The following AHCY variants were observed in gnomAD, a reference collection of about 807,000 sequenced individuals.
AHCY encodes the protein adenosylhomocysteinase.
In AHCY, 24 loss-of-function variants were observed where a neutral mutation model predicts 45.4. The ratio of observed to expected loss-of-function variants is 0.53; its 90% confidence interval spans 0.38 to 0.74. The LOEUF (loss-of-function observed/expected upper bound fraction) is 0.74. Ranked by LOEUF, AHCY falls within the 30% of genes least tolerant of loss-of-function variation. The probability of loss-of-function intolerance (pLI) is 0.00; values close to 1 mark genes in which losing one functional copy is unlikely to be tolerated. For missense variants in AHCY, 449 were observed against 594.1 expected, an observed-to-expected ratio of 0.76 and a Z score of 2.54; for synonymous variants, 245 against 235.1, an observed-to-expected ratio of 1.04 and a Z score of -0.39.
At chr20:34,301,303 G>A (rs1407276580) in intron 1 of AHCY, among the ~76,000 whole-genome samples, 1 of 151,946 alleles carries the variant, frequency 6.6e-6, no homozygotes, top group Non-Finnish European at 1.5e-5. Context: ...ACCACCACAT[G>A]TCCCTCCAGC....
the AHCY span, among the ~76,000 whole-genome samples, chr20:34,240,065 G>C: frequency 1.3e-5 from 2 of 152,208 alleles, no homozygotes. Flanking sequence ...GGAACAGAAA[G>C]AAGGTTGGGA....
At chr20:34,242,049 G>T in the AHCY span, among the ~76,000 whole-genome samples, 6 of 152,082 alleles carry the variant, frequency 3.9e-5, no homozygotes, top group African/African-American at 1.4e-4. Context: ...ATTAAAGGAA[G>T]CTCAGGTTAA....
At chr20:34,260,647 G>T in the AHCY span, 1 of 1,230,152 alleles carries the variant, frequency 8.1e-7, no homozygotes, top group Non-Finnish European at 1.1e-6. Context: ...CTTCTTGCTC[G>T]TTCCAGGAAA....
chr20:34,285,383 T>C, intron 9 of AHCY, 57 bp downstream of exon 9: 2 of 1,598,602 alleles, frequency 1.3e-6, no homozygotes, highest in Non-Finnish European at 1.7e-6. Context: ...AAGCCCTGTG[T>C]GGGGATCCCA....
rs1394287786 is a variant in AHCY, at chr20:34,303,324, A to G, written c.-54T>C. Reference sequence around the variant, plus strand: ...GAAGGGGGCTGGGCCTCAGTCTGGGAACAGGAACTGGGCGGGCAGCGCCGA... The same window carrying G: ...GAAGGGGGCTGGGCCTCAGTCTGGGGACAGGAACTGGGCGGGCAGCGCCGA... On this transcript the variant is annotated 5_prime_UTR_variant, in exon 1 of 10. Coordinates refer to ENST00000217426, the MANE Select transcript of AHCY (RefSeq NM_000687.4). 1 of 1,551,254 alleles carries G rather than the reference A, an allele frequency of 6.4e-7. No homozygotes were observed. The highest frequency in any genetic ancestry group is 2.0e-5 in the Admixed American group (1 of 51,018).
At chr20:34,258,336 G>T in the AHCY span, among the ~76,000 whole-genome samples, 132 of 139,532 alleles carry the variant, frequency 9.5e-4, 1 homozygote, top group African/African-American at 3.9e-3. Context: ...TAGGGTCTCC[G>T]TTGGATATTC....
At chr20:34,305,424 GAGGGCCGATGTCAAGC>G (rs1372564796), upstream of AHCY, among the ~76,000 whole-genome samples, 1 of 152,100 alleles carries the variant, frequency 6.6e-6, no homozygotes, top group African/African-American at 2.4e-5. Context: ...TGAGAGTCAT[GAGGGCCGATGTCAAGC>G]AGAGACTTCC....
At chr20:34,309,216 T>C (rs2036924565) in intron 1 of AHCY, among the ~76,000 whole-genome samples, 1 of 152,104 alleles carries the variant, frequency 6.6e-6, no homozygotes, top group Non-Finnish European at 1.5e-5. Context: ...TGCCTTGGCC[T>C]CCCAAAGTGT....
chr20:34,270,071 A>G, the AHCY span, among the ~76,000 whole-genome samples: 1 of 147,762 alleles, frequency 6.8e-6, no homozygotes, highest in Admixed American at 6.8e-5. Context: ...ACTCCCCGCC[A>G]CCCCACCGGT....
chr20:34,295,358 G>A (rs745772335), intron 2 of AHCY, 37 bp downstream of exon 2: 11 of 1,612,286 alleles, frequency 6.8e-6, no homozygotes, highest in Non-Finnish European at 8.5e-6. Flanking sequence ...ACCCAGGGAG[G>A]GCAAGGACTC....
At chr20:34,253,469 T>A in the AHCY span, among the ~76,000 whole-genome samples, 1 of 150,088 alleles carries the variant, frequency 6.7e-6, no homozygotes, top group Non-Finnish European at 1.5e-5. Flanking sequence ...ATTTATTTAT[T>A]TATTTATTTA....
chr20:34,261,810 T>G, the AHCY span, among the ~76,000 whole-genome samples: 1 of 151,328 alleles, frequency 6.6e-6, no homozygotes, highest in Non-Finnish European at 1.5e-5. Context: ...AAAAAAGAAA[T>G]TTTTTAATAA....
rs1479737251 is a variant in AHCY, at chr20:34,295,546, T to C, written c.68A>G (p.Asp23Gly). Residue 23 changes from aspartate to glycine, a missense_variant, in exon 2 of 10, where the codon GAC (aspartate) becomes GGC (glycine). Coordinates refer to ENST00000217426, the MANE Select transcript of AHCY (RefSeq NM_000687.4). ...GLAAWGRKAL[D>G]IAENEMPGLM... is the part of the protein sequence containing the mutation. The stretch of plus-strand genomic sequence containing the variant: ...GCCCGGCATCTCGTTCTCAGCAATG[T>C]CCAGGGCCTTGCGTCCCCAGGCAGC... 1 of 1,614,010 alleles carries C rather than the reference T, an allele frequency of 6.2e-7. No homozygotes were observed. Among genetic ancestry groups the C allele is most frequent in the East Asian group, 2.2e-5 (1 of 44,892 alleles).
the AHCY span, chr20:34,260,617 C>T: frequency 1.4e-6 from 2 of 1,406,434 alleles, no homozygotes; most frequent in Non-Finnish European, 1.9e-6. Context: ...TACCAGGATC[C>T]ACCGCCATGG....
chr20:34,274,920 C>G, the AHCY span, among the ~76,000 whole-genome samples: 2 of 152,166 alleles, frequency 1.3e-5, no homozygotes, highest in South Asian at 4.1e-4. Context: ...TGACTATACT[C>G]CAGCCTGGAT....
the AHCY span, among the ~76,000 whole-genome samples, chr20:34,236,996 T>G: frequency 1.1e-4 from 17 of 152,200 alleles, no homozygotes; most frequent in Non-Finnish European, 2.2e-4. Flanking sequence ...CTTGACACCT[T>G]TGTCAAAAAT....
chr20:34,288,528 G>A (rs1485332333), intron 8 of AHCY, among the ~76,000 whole-genome samples: 1 of 152,158 alleles, frequency 6.6e-6, no homozygotes, highest in East Asian at 1.9e-4. Context: ...TTAGCCAGGT[G>A]TAGTAGTGCA....
At chr20:34,285,385 G>A in intron 9 of AHCY, 55 bp downstream of exon 9, 4 of 1,599,274 alleles carry the variant, frequency 2.5e-6, no homozygotes, top group Non-Finnish European at 3.4e-6. Flanking sequence ...GCCCTGTGTG[G>A]GGATCCCAGG....
At chr20:34,241,428 A>C in the AHCY span, 1 of 984,826 alleles carries the variant, frequency 1.0e-6, no homozygotes, top group Non-Finnish European at 1.2e-6. Flanking sequence ...CAAGCAGCAA[A>C]TCTCTACAGC....
Sources: allele counts gnomAD v4.1 joint callset (sites outside exome capture counted in the v4.1 genomes callset), GRCh38; gene constraint gnomAD v4.1.1; transcripts MANE v1.5; gene names NCBI Gene and HGNC (gene_info 2026-07-23, HGNC 2026-07-21).